Variants in SGCZ observed in about 807,000 individuals in gnomAD.
SGCZ encodes zeta-sarcoglycan.
A neutral mutation model predicts 41.3 loss-of-function variants in SGCZ; 40 were observed. The ratio of observed to expected loss-of-function variants is 0.97; its 90% CI spans 0.75 to 1.26. The LOEUF (loss-of-function observed/expected upper bound fraction) is 1.26, where lower values mean the gene tolerates loss of function less well. Among genes scored for constraint, SGCZ ranks in the 50% most tolerant of loss-of-function variants. The pLI, the probability that SGCZ is intolerant of heterozygous loss-of-function variation, is 0.00. For synonymous variants in SGCZ, 206 were observed against 137.5 expected, an observed-to-expected ratio of 1.50 and a Z score of -3.49; for missense variants, 552 against 369.8, an observed-to-expected ratio of 1.49 and a Z score of -4.04.
At chr8:14,663,824 C>G (rs940211578) in intron 1 of SGCZ, among the ~76,000 whole-genome samples, 2 of 152,098 alleles carry the variant, frequency 1.3e-5, no homozygotes, top group African/African-American at 4.8e-5. Context: ...TTATGTTCTC[C>G]TTTAATCTAG....
At chr8:14,727,713 C>T (rs958309506) in intron 1 of SGCZ, among the ~76,000 whole-genome samples, 2 of 151,918 alleles carry the variant, frequency 1.3e-5, no homozygotes, top group African/African-American at 2.4e-5. Context: ...GGGGTTGCAC[C>T]GTGTCAGCCA....
At chr8:14,812,149 A>T (rs969195926) in intron 1 of SGCZ, among the ~76,000 whole-genome samples, 27 of 151,948 alleles carry the variant, frequency 1.8e-4, no homozygotes, top group Non-Finnish European at 2.5e-4. Flanking sequence ...TTAAAATATT[A>T]TATACAAATG....
At chr8:14,698,787 G>C (rs1209891826) in intron 1 of SGCZ, among the ~76,000 whole-genome samples, 1 of 151,886 alleles carries the variant, frequency 6.6e-6, no homozygotes, top group Non-Finnish European at 1.5e-5. Context: ...TCTTGTATTT[G>C]AAGAAAATGA....
chr8:14,228,930 A>G (rs761664036), intron 4 of SGCZ, among the ~76,000 whole-genome samples: 2 of 152,134 alleles, frequency 1.3e-5, no homozygotes, highest in Non-Finnish European at 2.9e-5. Context: ...GTAGAGGCCA[A>G]TGCCATGCAA....
chr8:14,490,545 G>T (rs1024552481), intron 2 of SGCZ, among the ~76,000 whole-genome samples: 1 of 152,016 alleles, frequency 6.6e-6, no homozygotes, highest in East Asian at 1.9e-4. Flanking sequence ...TTTGTCTCTC[G>T]TCTCTCTCTG....
chr8:14,897,501 C>T (rs1042511898), intron 1 of SGCZ, among the ~76,000 whole-genome samples: 5 of 152,086 alleles, frequency 3.3e-5, no homozygotes, highest in African/African-American at 1.2e-4. Context: ...GGATTCTTTC[C>T]CTTTTCAACA....
At chr8:14,515,464 A>T (rs28394282) in intron 2 of SGCZ, among the ~76,000 whole-genome samples, 2,453 of 152,174 alleles carry the variant, frequency 0.016, 59 homozygotes, top group African/African-American at 0.057. Context: ...CTAACATAAC[A>T]CTATATCTTT....
At chr8:14,221,606 G>T (rs554018135) in intron 4 of SGCZ, among the ~76,000 whole-genome samples, 1 of 152,172 alleles carries the variant, frequency 6.6e-6, no homozygotes, top group African/African-American at 2.4e-5. Context: ...TTGTGTATAT[G>T]TTAATCCCAC....
At chr8:14,365,466 T>C (rs1358114218) in intron 2 of SGCZ, among the ~76,000 whole-genome samples, 5 of 152,112 alleles carry the variant, frequency 3.3e-5, no homozygotes, top group African/African-American at 1.2e-4. Context: ...TGCTAACATA[T>C]TGTGTACAGT....
chr8:14,806,426 A>T (rs1319687507), intron 1 of SGCZ, among the ~76,000 whole-genome samples: 4 of 151,552 alleles, frequency 2.6e-5, no homozygotes, highest in Non-Finnish European at 5.9e-5. Context: ...AGAAATACAA[A>T]CTACCATCAG....
intron 5 of SGCZ, among the ~76,000 whole-genome samples, chr8:14,154,441 A>G (rs758137528): frequency 1.3e-5 from 2 of 152,170 alleles, no homozygotes; most frequent in Non-Finnish European, 2.9e-5. Context: ...CACTCAGTTC[A>G]TGGTATTTTG....
At chr8:14,560,856 G>GA (rs1288247922) in intron 1 of SGCZ, among the ~76,000 whole-genome samples, 2 of 147,416 alleles carry the variant, frequency 1.4e-5, no homozygotes, top group Non-Finnish European at 3.0e-5. Context: ...GAAAAGTTGT[G>GA]AAAAAAACAA....
At chr8:14,176,742 G>A (rs1804554708) in intron 4 of SGCZ, among the ~76,000 whole-genome samples, 1 of 152,130 alleles carries the variant, frequency 6.6e-6, no homozygotes, top group African/African-American at 2.4e-5. Flanking sequence ...CTAGGAGCAG[G>A]TGTCAGACCC....
chr8:14,391,093 G>A (rs1324252257), intron 2 of SGCZ, among the ~76,000 whole-genome samples: 2 of 152,030 alleles, frequency 1.3e-5, no homozygotes, highest in African/African-American at 4.8e-5. Context: ...AGTCTCTAGG[G>A]CTAAAGCAAC....
intron 1 of SGCZ, among the ~76,000 whole-genome samples, chr8:14,743,534 A>G (rs1320034124): frequency 6.6e-6 from 1 of 152,004 alleles, no homozygotes; most frequent in African/African-American, 2.4e-5. Flanking sequence ...TATTTTGTAA[A>G]GTTAATTGTA....
chr8:15,138,959 A>T (rs1324936381), intron 1 of SGCZ, among the ~76,000 whole-genome samples: 1 of 152,202 alleles, frequency 6.6e-6, no homozygotes, highest in Non-Finnish European at 1.5e-5. Context: ...ATAATTTTGT[A>T]TCAGCTCTAC....
intron 4 of SGCZ, among the ~76,000 whole-genome samples, chr8:14,230,379 G>T (rs148691595): frequency 6.6e-6 from 1 of 151,992 alleles, no homozygotes; most frequent in Non-Finnish European, 1.5e-5. Context: ...TCCAGGAAGC[G>T]TTCCAATACC....
intron 4 of SGCZ, among the ~76,000 whole-genome samples, chr8:14,221,551 G>A (rs762070695): frequency 7.9e-5 from 12 of 152,136 alleles, no homozygotes; most frequent in Non-Finnish European, 1.5e-4. Flanking sequence ...CGACATAACA[G>A]GCATCCTGCT....
chr8:14,721,573 A>G (rs1809888387), intron 1 of SGCZ, among the ~76,000 whole-genome samples: 1 of 152,178 alleles, frequency 6.6e-6, no homozygotes, highest in Non-Finnish European at 1.5e-5. Context: ...GAATCCGTCT[A>G]CTTCTCACCA....
Sources: gnomAD v4.1 joint callset for allele counts (sites outside exome capture counted in the v4.1 genomes callset) on GRCh38, gnomAD v4.1.1 for gene constraint, MANE v1.5 for transcripts, NCBI Gene and HGNC (gene_info 2026-07-23, HGNC 2026-07-21) for gene names.